The following ACVR1 variants were observed in gnomAD, a reference collection of about 807,000 sequenced individuals.
The protein encoded by ACVR1 is activin receptor type-1.
In ACVR1, 38 loss-of-function variants were observed where a neutral mutation model predicts 57.1. That is an observed-to-expected ratio of 0.67 (90% CI 0.51 to 0.87). The LOEUF is 0.87. Ranked by LOEUF, ACVR1 falls within the 40% of genes least tolerant of loss-of-function variation. The pLI, the probability that ACVR1 is intolerant of heterozygous loss-of-function variation, is 0.00. For missense variants in ACVR1, 463 were observed against 638.2 expected, an observed-to-expected ratio of 0.73 and a Z score of 2.96; for synonymous variants, 212 against 228.1, an observed-to-expected ratio of 0.93 and a Z score of 0.63.
chr2:157,760,896 C>T lies in ACVR1; in HGVS notation c.1248G>A (p.Arg416=). ...GATACCTACCATTGCTCACCATCCG[C>T]CTGGCCACTTCCCACAAAACAAGTC... ...AFGLVLWEVA[R]RMVSNGIVED... The change falls in exon 9 of 11, where the codon AGG becomes AGA. Residue 416 remains arginine, a synonymous_variant. Transcript: ENST00000434821. 6.2e-7 allele frequency: 1 copy of T among 1,614,136 alleles called. No homozygotes were observed. Among genetic ancestry groups the T allele is most frequent in the Non-Finnish European group, 8.5e-7 (1 of 1,179,996 alleles).
At chr2:157,755,001 AC>A (rs1685363945) in intron 9 of ACVR1, among the ~76,000 whole-genome samples, 1 of 152,148 alleles carries the variant, frequency 6.6e-6, no homozygotes, top group Non-Finnish European at 1.5e-5. Flanking sequence ...AGAAATAAAA[AC>A]AAAAATCACA....
At chr2:157,761,119 T>C in intron 8 of ACVR1, 42 bp from the exon 9 acceptor site, 1 of 1,603,608 alleles carries the variant, frequency 6.2e-7, no homozygotes, top group Non-Finnish European at 8.5e-7. Context: ...CCACTTCCTT[T>C]CTCATAAGAG....
intron 1 of ACVR1, among the ~76,000 whole-genome samples, chr2:157,834,548 C>T (rs1574127755): frequency 6.6e-6 from 1 of 152,256 alleles, no homozygotes; most frequent in South Asian, 2.1e-4. Flanking sequence ...ATACATCAGA[C>T]AGCAAGAATA....
chr2:157,828,449 CAAAAAAAA>C lies in ACVR1; in HGVS notation c.-182-9898_-182-9891del, dbSNP rs369753645. Among the ~76,000 whole-genome samples the C allele has an allele frequency of 3.1e-4, 26 of 84,270 alleles. No homozygotes were observed. In the Middle Eastern group the frequency reaches 0.022, roughly 71 times the overall value. 55.3% of individuals were successfully genotyped at this position (84,270 alleles called of 152,430 possible). A position where few individuals can be genotyped will look rare whatever the true frequency, so the allele number is the denominator to read the frequency against. ...TAGGCAACAGAGCAAGACTCCGTCTCAAAAAAAAAAAAAAAAAAAAAATTAGGTGGGCA... is the reference window on the plus strand; with the variant it reads ...TAGGCAACAGAGCAAGACTCCGTCTCAAAAAAAAAAAAAATTAGGTGGGCA... On this transcript the variant is annotated intron_variant, in intron 1 of 10. Transcript: ENST00000434821.
At chr2:157,749,917 G>A (rs1162869850) in intron 9 of ACVR1, among the ~76,000 whole-genome samples, 1 of 152,230 alleles carries the variant, frequency 6.6e-6, no homozygotes, top group Non-Finnish European at 1.5e-5. Flanking sequence ...CCCGCCCAGT[G>A]CTGCCCCTGT....
chr2:157,837,809 G>A (rs1330248853), intron 1 of ACVR1, among the ~76,000 whole-genome samples: 1 of 152,132 alleles, frequency 6.6e-6, no homozygotes, highest in Admixed American at 6.5e-5. Context: ...AGAAGGAGGA[G>A]GAGGAGGAGA....
intron 1 of ACVR1, among the ~76,000 whole-genome samples, chr2:157,838,747 G>A (rs1688875976): frequency 1.3e-5 from 2 of 152,108 alleles, no homozygotes; most frequent in Non-Finnish European, 2.9e-5. Flanking sequence ...TCCTCTGCTT[G>A]CTGCATGGCT....
At chr2:157,825,472 C>T (rs1234322423) in intron 1 of ACVR1, among the ~76,000 whole-genome samples, 2 of 152,140 alleles carry the variant, frequency 1.3e-5, no homozygotes, top group Non-Finnish European at 2.9e-5. Flanking sequence ...CCCGGCCGCA[C>T]AGCAGAGGTA....
At chr2:157,763,237 G>T (rs899801406) in intron 8 of ACVR1, among the ~76,000 whole-genome samples, 8 of 152,204 alleles carry the variant, frequency 5.3e-5, no homozygotes, top group African/African-American at 1.7e-4. Flanking sequence ...TATTTTCAAG[G>T]GATGAATTTT....
intron 2 of ACVR1, among the ~76,000 whole-genome samples, chr2:157,800,845 G>T (rs1687298080): frequency 6.6e-6 from 1 of 152,066 alleles, no homozygotes. Context: ...CTTTGGACAT[G>T]AATATGCTTT....
chr2:157,778,373 T>C, intron 4 of ACVR1, 31 bp from the exon 5 acceptor site: 1 of 1,564,732 alleles, frequency 6.4e-7, no homozygotes, highest in Non-Finnish European at 8.8e-7. Flanking sequence ...GGGAATTAGT[T>C]GTAAGGATCA....
rs1282994566 is a variant in ACVR1 at position 157,760,968 on chromosome 2, C to G, written c.1176G>C (p.Gln392His). Residue 392 changes from glutamine (Q) to histidine (H), a missense_variant, in exon 9 of 11, where the codon CAG (glutamine) becomes CAC (histidine). Physicochemically the swap from Gln to His is conservative, Grantham distance 24 (BLOSUM62 0). Around this residue, in one of 3 missense-constraint regions of ACVR1, gnomAD observed 146 missense variants for 186.6 expected, o/e 0.78. Transcript: ENST00000434821. Reference protein sequence around the residue: ...MAPEVLDETIQVDCFDSYKRV... With the variant: ...MAPEVLDETIHVDCFDSYKRV... ...TTTTATAAGAATCGAAACAATCCAC[C>G]TGGATGGTTTCATCTAGAACTTCGG... The G allele has an allele frequency of 6.2e-7, 1 of 1,614,122 alleles. No homozygotes were observed. Among genetic ancestry groups the G allele is most frequent in the African/African-American group, 1.3e-5 (1 of 75,036 alleles).
chr2:157,770,774 A>G (rs1574043813), intron 6 of ACVR1, among the ~76,000 whole-genome samples: 1 of 152,196 alleles, frequency 6.6e-6, no homozygotes, highest in East Asian at 1.9e-4. Context: ...TCTGCATTGT[A>G]TAATTAGCTG....
At chr2:157,801,585 T>C (rs1169481352) in intron 2 of ACVR1, among the ~76,000 whole-genome samples, 1 of 152,184 alleles carries the variant, frequency 6.6e-6, no homozygotes, top group Non-Finnish European at 1.5e-5. Context: ...GAAAAACGGA[T>C]TTGCAACTAC....
chr2:157,741,552 G>C (rs1684767422), intron 9 of ACVR1, among the ~76,000 whole-genome samples: 1 of 151,878 alleles, frequency 6.6e-6, no homozygotes, highest in Non-Finnish European at 1.5e-5. Context: ...CTGAACCCAG[G>C]AGGCGTAGGT....
chr2:157,863,012 T>C (rs1216700715), intron 1 of ACVR1, among the ~76,000 whole-genome samples: 9 of 1,476 alleles, frequency 6.1e-3, no homozygotes, highest in African/African-American at 9.5e-3. Flanking sequence ...GAACATTTAC[T>C]TTTTTTTTTT....
intron 1 of ACVR1, among the ~76,000 whole-genome samples, chr2:157,868,222 C>T (rs1002688761): frequency 2.0e-5 from 3 of 151,964 alleles, no homozygotes; most frequent in African/African-American, 7.3e-5. Flanking sequence ...CGGTGGCTAG[C>T]GCCTGTAATC....
chr2:157,773,322 A>G (rs1454313347), intron 6 of ACVR1, among the ~76,000 whole-genome samples: 7 of 151,928 alleles, frequency 4.6e-5, no homozygotes, highest in Non-Finnish European at 8.8e-5. Context: ...AAAAACATTT[A>G]CAAATTTTGA....
At chr2:157,844,087 T>A (rs186209398) in intron 1 of ACVR1, among the ~76,000 whole-genome samples, 1 of 152,188 alleles carries the variant, frequency 6.6e-6, no homozygotes, top group East Asian at 1.9e-4. Flanking sequence ...GGAGGCCCTG[T>A]CATGCAGAAG....
Sources: allele counts gnomAD v4.1 joint callset (sites outside exome capture counted in the v4.1 genomes callset), GRCh38; gene constraint gnomAD v4.1.1; regional missense constraint gnomAD v4.1.1; transcripts MANE v1.5; gene names NCBI Gene and HGNC (gene_info 2026-07-23, HGNC 2026-07-21).